Variants in DNAH7 observed in about 807,000 individuals in gnomAD.
DNAH7 encodes the protein axonemal beta dynein heavy chain 7.
Under a neutral mutation model 444.6 loss-of-function variants are expected in DNAH7, and 397 were observed. The observed-to-expected ratio is 0.89, with a 90% CI of 0.82 to 0.97. The LOEUF (loss-of-function observed/expected upper bound fraction) is 0.97. DNAH7 is among the 50% of genes least tolerant of loss of function. The pLI is 0.00. For synonymous variants in DNAH7, 1,636 were observed against 1,624.4 expected, an observed-to-expected ratio of 1.01 and a Z score of -0.17; for missense variants, 4,902 against 4,800.8, an observed-to-expected ratio of 1.02 and a Z score of -0.62.
chr2:196,013,034 T>C, intron 9 of DNAH7, 128 bp from the exon 10 acceptor site: 1 of 592,690 alleles, frequency 1.7e-6, no homozygotes. Context: ...TTCTATATAA[T>C]TAAATGTTAA....
intron 19 of DNAH7, among the ~76,000 whole-genome samples, chr2:195,948,440 CT>C (rs1012147231): frequency 2.5e-4 from 38 of 152,264 alleles, no homozygotes; most frequent in African/African-American, 8.9e-4. Flanking sequence ...ACGTTTAAGT[CT>C]TTAATCCATC....
rs1194712891 is a variant in DNAH7 at position 195,844,050 on chromosome 2, C to T, written c.8945+952G>A. 5.3e-5 allele frequency among the ~76,000 whole-genome samples: 8 copies of T among 151,994 alleles called. No individual in the cohort carries two copies. In the East Asian group the frequency reaches 7.7e-4, roughly 15 times the overall value. On this transcript the variant is annotated intron_variant, in intron 47 of 64. Coordinates refer to ENST00000312428, the MANE Select transcript of DNAH7 (RefSeq NM_018897.3). ...GGCGGAGCTTGCAGTGAGCCAAGATCGCACCACTGCACTCCAGCCTGGGCA... is the reference window on the plus strand; with the variant it reads ...GGCGGAGCTTGCAGTGAGCCAAGATTGCACCACTGCACTCCAGCCTGGGCA...
chr2:195,962,987 G>C (rs1691213506), intron 17 of DNAH7, among the ~76,000 whole-genome samples: 2 of 152,140 alleles, frequency 1.3e-5, no homozygotes, highest in African/African-American at 4.8e-5. Context: ...ATCGTATACA[G>C]ATACCACATT....
Position 195,766,260 on chromosome 2 carries a change from G to A in DNAH7, c.11433+5400C>T, listed in dbSNP as rs564401450. The stretch of plus-strand genomic sequence containing the variant: ...ACAATCTTGGCTCACTGCAACCTCC[G>A]CCTCCCTGGTTCAAGCGATCCGCCT... On this transcript the variant is annotated intron_variant, in intron 61 of 64. Coordinates refer to ENST00000312428, the MANE Select transcript of DNAH7 (RefSeq NM_018897.3). Among the ~76,000 whole-genome samples, 737 of 137,484 alleles carry A rather than the reference G, an allele frequency of 5.4e-3. 1 individual carries two copies. The highest frequency in any genetic ancestry group is 7.2e-3 in the African/African-American group (259 of 36,152). 90.2% of individuals were successfully genotyped at this position (137,484 alleles called of 152,430 possible).
At chr2:195,776,461 G>GA (rs1266492902) in intron 59 of DNAH7, among the ~76,000 whole-genome samples, 228 of 148,316 alleles carry the variant, frequency 1.5e-3, no homozygotes, top group African/African-American at 3.7e-3. Context: ...AAGAAAAGAG[G>GA]AAAAAAAAAG....
At chr2:195,854,724 T>C (rs939288173) in intron 45 of DNAH7, among the ~76,000 whole-genome samples, 43 of 152,294 alleles carry the variant, frequency 2.8e-4, no homozygotes, top group Admixed American at 2.5e-3. Context: ...TACACATATA[T>C]GCATATGTTC....
chr2:195,957,605 AT>A (rs1169376233), intron 18 of DNAH7, among the ~76,000 whole-genome samples, 158 bp from the exon 19 acceptor site: 1,990 of 143,244 alleles, frequency 0.014, 61 homozygotes, highest in African/African-American at 0.056. Flanking sequence ...TACAATTGTT[AT>A]ACATTATATA....
intron 46 of DNAH7, among the ~76,000 whole-genome samples, chr2:195,849,845 G>A (rs567609357): frequency 9.7e-4 from 147 of 152,042 alleles, no homozygotes; most frequent in African/African-American, 3.2e-3. Flanking sequence ...TCAAGCAATC[G>A]GCACACCTCA....
intron 45 of DNAH7, among the ~76,000 whole-genome samples, chr2:195,854,627 G>A (rs973163545): frequency 9.2e-5 from 14 of 151,956 alleles, no homozygotes; most frequent in African/African-American, 3.1e-4. Context: ...AACTGAATCA[G>A]GTCTTGGACT....
intron 55 of DNAH7, among the ~76,000 whole-genome samples, chr2:195,797,716 A>C (rs1455666353): frequency 1.3e-5 from 2 of 152,172 alleles, no homozygotes; most frequent in Admixed American, 1.3e-4. Context: ...GCACCACCCA[A>C]ATAAATTCTT....
chr2:196,012,439 G>A (rs1476500154), intron 10 of DNAH7, among the ~76,000 whole-genome samples: 3 of 152,040 alleles, frequency 2.0e-5, no homozygotes, highest in Non-Finnish European at 4.4e-5. Flanking sequence ...AATGAAGGGA[G>A]GTACAGAGCC....
At chr2:195,934,906 A>G in intron 20 of DNAH7, 117 bp from the exon 21 acceptor site, 1 of 1,115,064 alleles carries the variant, frequency 9.0e-7, no homozygotes, top group Non-Finnish European at 1.3e-6. Context: ...AATGCTGTGC[A>G]AAAACCGGAA....
chr2:195,774,912 T>C (rs781393124), intron 60 of DNAH7, among the ~76,000 whole-genome samples: 1 of 152,230 alleles, frequency 6.6e-6, no homozygotes, highest in Non-Finnish European at 1.5e-5. Context: ...AAAATTTTAT[T>C]GAATCATTAT....
At chr2:195,740,381 T>C (rs940023141) in intron 64 of DNAH7, among the ~76,000 whole-genome samples, 5 of 152,086 alleles carry the variant, frequency 3.3e-5, no homozygotes, top group African/African-American at 4.8e-5. Context: ...TTAATGTTAA[T>C]GACTCAACAT....
At position 195,861,844 on chromosome 2, in the gene DNAH7, A is replaced by G. The variant is rs1333131602; in HGVS notation, c.7609T>C (p.Phe2537Leu). 6.2e-7 allele frequency: 1 copy of G among 1,613,864 alleles called. No homozygotes were observed. Among genetic ancestry groups the G allele is most frequent in the Non-Finnish European group, 8.5e-7 (1 of 1,179,758 alleles). The change falls in exon 42 of 65, where the codon TTC (phenylalanine) becomes CTC (leucine). Residue 2537 changes from phenylalanine to leucine, a missense_variant. By Grantham distance (22) the Phe-to-Leu change is conservative. Coordinates refer to ENST00000312428, the MANE Select transcript of DNAH7 (RefSeq NM_018897.3). The part of the protein sequence containing the change: ...RDGCIDMCKS[F>L]HTSTIDLSKS... ...GATAAATCTATAGTAGAAGTGTGGA[A>G]GCTTTTACACATGTCGATACAGCCA... is the stretch of plus-strand genomic sequence containing the variant.
chr2:196,032,979 C>A (rs936202060), intron 5 of DNAH7, among the ~76,000 whole-genome samples: 12 of 152,108 alleles, frequency 7.9e-5, no homozygotes, highest in Non-Finnish European at 1.5e-4. Context: ...TAATATATCA[C>A]ATTAATAGAA....
intron 37 of DNAH7, among the ~76,000 whole-genome samples, chr2:195,876,051 T>C (rs543888738): frequency 6.6e-6 from 1 of 152,214 alleles, no homozygotes; most frequent in African/African-American, 2.4e-5. Context: ...ACATTCTCAT[T>C]ACTAATCTTC....
At chr2:195,994,900 T>A (rs1693592887) in intron 12 of DNAH7, 1 of 371,484 alleles carries the variant, frequency 2.7e-6, no homozygotes. Flanking sequence ...CATGTCCTCA[T>A]CCTCAGACAG....
At chr2:195,846,434 G>A (rs1699006027) in intron 46 of DNAH7, among the ~76,000 whole-genome samples, 1 of 152,190 alleles carries the variant, frequency 6.6e-6, no homozygotes, top group South Asian at 2.1e-4. Flanking sequence ...TTCAGCCATT[G>A]GGCAGAGCAG....
Sources: gnomAD v4.1 joint callset for allele counts (sites outside exome capture counted in the v4.1 genomes callset) on GRCh38, gnomAD v4.1.1 for gene constraint, MANE v1.5 for transcripts, NCBI Gene and HGNC (gene_info 2026-07-23, HGNC 2026-07-21) for gene names.